CAMK2D: variants seen among roughly 807,000 people sequenced by gnomAD.
CAMK2D encodes the protein calcium/calmodulin-dependent protein kinase type II subunit delta.
Under a neutral mutation model 84.0 loss-of-function variants are expected in CAMK2D, and 37 were observed. The ratio of observed to expected loss-of-function variants is 0.44; its 90% CI spans 0.34 to 0.58. The LOEUF (loss-of-function observed/expected upper bound fraction) is 0.58. Among genes scored for constraint, CAMK2D ranks in the 20% least tolerant of loss-of-function variants. The pLI is 0.02. For missense variants in CAMK2D, 448 were observed against 652.5 expected (o/e 0.69, Z 3.41); for synonymous variants, 202 against 212.5 (o/e 0.95, Z 0.43).
At chr4:113,634,346 A>G (rs1270383800) in intron 3 of CAMK2D, among the ~76,000 whole-genome samples, 1 of 152,196 alleles carries the variant, frequency 6.6e-6, no homozygotes, top group East Asian at 1.9e-4. Context: ...GGAGAGAGAG[A>G]CCTCTTAGGC....
In CAMK2D at chr4:113,565,514, G is replaced by A. The variant is rs186126537; in HGVS notation, c.276-13418C>T. Reference sequence around the variant, plus strand: ...AAAAATACAAAAATCAGCTGGGCGTGGTGGTGCATGCCGGTAATCCCAGCT... The same window carrying A: ...AAAAATACAAAAATCAGCTGGGCGTAGTGGTGCATGCCGGTAATCCCAGCT... On this transcript the variant is annotated intron_variant, in intron 4 of 20. Transcript: ENST00000511664. Among the ~76,000 whole-genome samples, 629 of 152,164 alleles carry A rather than the reference G, an allele frequency of 4.1e-3. 5 individuals are homozygous for A. The highest frequency in any genetic ancestry group is 0.015 in the African/African-American group (607 of 41,514).
At chr4:113,715,147 C>G (rs539619512) in intron 2 of CAMK2D, among the ~76,000 whole-genome samples, 34 of 151,938 alleles carry the variant, frequency 2.2e-4, no homozygotes, top group African/African-American at 7.5e-4. Flanking sequence ...AATTACCCTT[C>G]GTAACTGTAT....
intron 3 of CAMK2D, among the ~76,000 whole-genome samples, chr4:113,639,734 A>G (rs2099124710): frequency 6.6e-6 from 1 of 152,106 alleles, no homozygotes; most frequent in Non-Finnish European, 1.5e-5. Flanking sequence ...TGGAAAAATA[A>G]GAAATTACAG....
chr4:113,566,124 G>T (rs865963849), intron 4 of CAMK2D, among the ~76,000 whole-genome samples: 1 of 152,094 alleles, frequency 6.6e-6, no homozygotes, highest in African/African-American at 2.4e-5. Context: ...GAGAAGAAAC[G>T]TCTCTCCCTT....
intron 13 of CAMK2D, among the ~76,000 whole-genome samples, chr4:113,508,785 A>G (rs569784972): frequency 8.5e-5 from 13 of 152,364 alleles, no homozygotes; most frequent in African/African-American, 2.6e-4. Flanking sequence ...TATGTTTTCA[A>G]TATGAACTGA....
chr4:113,682,119 G>A (rs1445936552), intron 2 of CAMK2D, among the ~76,000 whole-genome samples: 1 of 152,058 alleles, frequency 6.6e-6, no homozygotes, highest in African/African-American at 2.4e-5. Flanking sequence ...TGCTGTACAG[G>A]TAACTGCAAG....
chr4:113,581,230 C>A (rs987739134), intron 4 of CAMK2D, among the ~76,000 whole-genome samples: 26 of 152,004 alleles, frequency 1.7e-4, no homozygotes, highest in Non-Finnish European at 3.2e-4. Flanking sequence ...AAAAGAAAGA[C>A]TGGCTGGGTG....
At chr4:113,572,896 C>A (rs116561278) in intron 4 of CAMK2D, among the ~76,000 whole-genome samples, 4,221 of 152,244 alleles carry the variant, frequency 0.028, 88 homozygotes, top group Middle Eastern at 0.048. Flanking sequence ...TTTGTGGGAA[C>A]ATGGATGGGG....
intron 3 of CAMK2D, among the ~76,000 whole-genome samples, chr4:113,654,129 C>T (rs1266850243): frequency 6.6e-6 from 1 of 151,966 alleles, no homozygotes; most frequent in African/African-American, 2.4e-5. Context: ...TGTTTTTCAT[C>T]TCTTTTTAGA....
chr4:113,504,796 A>G (rs190733185), intron 14 of CAMK2D, among the ~76,000 whole-genome samples, 180 bp downstream of exon 14: 17 of 150,814 alleles, frequency 1.1e-4, no homozygotes, highest in Non-Finnish European at 2.4e-4. Context: ...ACCAAAAAAA[A>G]CCAAAAGAAA....
chr4:113,607,889 T>C (rs1285116753), intron 4 of CAMK2D, among the ~76,000 whole-genome samples: 1 of 152,204 alleles, frequency 6.6e-6, no homozygotes, highest in Non-Finnish European at 1.5e-5. Context: ...TATCACATGA[T>C]TAAGAGGCCA....
At chr4:113,590,049 GAA>G (rs905500806) in intron 4 of CAMK2D, among the ~76,000 whole-genome samples, 83 of 152,110 alleles carry the variant, frequency 5.5e-4, no homozygotes, top group African/African-American at 1.9e-3. Flanking sequence ...AAAATATCTT[GAA>G]GAGAGGCACA....
intron 2 of CAMK2D, among the ~76,000 whole-genome samples, chr4:113,729,700 A>T (rs1562092283): frequency 6.6e-6 from 1 of 152,134 alleles, no homozygotes; most frequent in Non-Finnish European, 1.5e-5. Flanking sequence ...TTAAATCCTA[A>T]TGCCCAATTT....
Position 113,514,890 on chromosome 4 carries a change from C to A in CAMK2D, c.819+179G>T, listed in dbSNP as rs559553789. 2.6e-5 allele frequency among the ~76,000 whole-genome samples: 4 copies of A among 152,314 alleles called. No homozygotes were observed. In the East Asian group the frequency reaches 5.8e-4, roughly 22 times the overall value. On this transcript the variant is annotated intron_variant, in intron 10 of 20. Coordinates refer to ENST00000511664, the MANE Select transcript of CAMK2D (RefSeq NM_001321571.2). ...AATCTATGCAATTCAGACTTTGCTA[C>A]TGAAAATTGCATTTTTTCACCATCA...
At chr4:113,616,518 A>G (rs2099021833) in intron 3 of CAMK2D, among the ~76,000 whole-genome samples, 1 of 152,224 alleles carries the variant, frequency 6.6e-6, no homozygotes, top group Non-Finnish European at 1.5e-5. Context: ...AGATAATCCA[A>G]CTGGGTTTCT....
At chr4:113,550,943 A>T (rs1004589288) in intron 5 of CAMK2D, among the ~76,000 whole-genome samples, 2 of 152,194 alleles carry the variant, frequency 1.3e-5, no homozygotes, top group Non-Finnish European at 2.9e-5. Flanking sequence ...TTAGAAACTT[A>T]GAAGTGTGCC....
Position 113,460,223 on chromosome 4 carries a change from G to T in CAMK2D, c.1230C>A (p.Gly410=), listed in dbSNP as rs774126605. Reference sequence around the variant, plus strand: ...AAGCTTCAGGTTCAAAAGCAGTAAGGCCTGGGTCACAGATTTTTCTGTAAA... The same window carrying T: ...AAGCTTCAGGTTCAAAAGCAGTAAGTCCTGGGTCACAGATTTTTCTGTAAA... ...FEAYTKICDP[G]LTAFEPEALG... is the part of the protein sequence containing the mutation. Residue 410 remains glycine, a synonymous_variant, in exon 18 of 21, where the codon GGC becomes GGA. Transcript: ENST00000511664. The T allele has an allele frequency of 5.6e-6, 9 of 1,594,508 alleles. No homozygotes were observed. Among genetic ancestry groups the T allele is most frequent in the Non-Finnish European group, 7.7e-6 (9 of 1,166,312 alleles).
intron 1 of CAMK2D, among the ~76,000 whole-genome samples, chr4:113,760,689 A>G (rs1262200527): frequency 6.6e-6 from 1 of 152,072 alleles, no homozygotes; most frequent in East Asian, 1.9e-4. Context: ...GCGCGCGCGC[A>G]CACTTCTCAG....
chr4:113,725,841 G>GAT lies in CAMK2D; in HGVS notation c.160+33477_160+33478dup, dbSNP rs1007345689. Reference sequence around the variant, plus strand: ...ATGTTAAATGGACACTAAATTTGGAGATATATATATACCATCTAAGGAAGT... The same window carrying GAT: ...ATGTTAAATGGACACTAAATTTGGAGATATATATATATACCATCTAAGGAAGT... On this transcript the variant is annotated intron_variant, in intron 2 of 20. Coordinates refer to ENST00000511664, the MANE Select transcript of CAMK2D (RefSeq NM_001321571.2). Among the ~76,000 whole-genome samples, 10 of 152,098 alleles carry GAT rather than the reference G, an allele frequency of 6.6e-5. No homozygotes were observed. In the South Asian group the frequency reaches 8.3e-4, roughly 13 times the overall value.
Sources: gnomAD v4.1 joint callset for allele counts (sites outside exome capture counted in the v4.1 genomes callset) on GRCh38, gnomAD v4.1.1 for gene constraint, MANE v1.5 for transcripts, NCBI Gene and HGNC (gene_info 2026-07-23, HGNC 2026-07-21) for gene names.